Variants in PRIMPOL observed in about 807,000 individuals in gnomAD.
PRIMPOL encodes the protein primase and DNA directed polymerase.
Under a neutral mutation model 63.6 loss-of-function variants are expected in PRIMPOL, and 54 were observed. The observed-to-expected ratio is 0.85, with a 90% CI of 0.68 to 1.07. The LOEUF is 1.07. Among genes scored for constraint, PRIMPOL ranks in the 50% least tolerant of loss-of-function variants. The probability of loss-of-function intolerance (pLI) is 0.00; values close to 1 mark genes in which losing one functional copy is unlikely to be tolerated. For missense variants in PRIMPOL, 610 were observed against 648.3 expected (o/e 0.94, Z 0.64); for synonymous variants, 197 against 220.2 (o/e 0.89, Z 0.93).
chr4:184,694,776 G>C lies in PRIMPOL; in HGVS notation c.1680G>C (p.Glu560Asp). Residue 560 changes from glutamate (E) to aspartate (D), a missense_variant, in exon 14 of 14, where the codon GAG (glutamate) becomes GAC (aspartate). Transcript: ENST00000314970. ...AACTAATTATAGAAGTATTACAAGA[G>C]TAACTAATTCACTATGAACACTTTT... ...PDELIIEVLQ[E>D] is the part of the protein sequence containing the mutation. The C allele has an allele frequency of 6.2e-7, 1 of 1,605,852 alleles. No homozygotes were observed. The highest frequency in any genetic ancestry group is 8.5e-7 in the Non-Finnish European group (1 of 1,172,938).
Position 184,661,874 on chromosome 4 carries a change from GGGAAAAAGAT to G in PRIMPOL, c.382_391del (p.Lys128LeufsTer26). 6.2e-7 allele frequency: 1 copy of G among 1,613,298 alleles called. No homozygotes were observed. The highest frequency in any genetic ancestry group is 8.5e-7 in the Non-Finnish European group (1 of 1,179,506). ...CAAACCTGCCAACCCAGGAGCTGAT[GGGAAAAAGAT>G]GGTTGCATTACTCATTGAGGTAAAT... On this transcript the variant is annotated frameshift_variant, in exon 5 of 14. Transcript: ENST00000314970. LOFTEE classifies it high-confidence loss of function.
chr4:184,668,995 A>G (rs991785792), intron 6 of PRIMPOL, among the ~76,000 whole-genome samples: 10 of 151,960 alleles, frequency 6.6e-5, no homozygotes, highest in African/African-American at 2.4e-4. Context: ...CATGGGCCAC[A>G]TTTTCTGTAG....
At chr4:184,668,882 ATAATATTATTAATTAC>A (rs1326361777) in intron 6 of PRIMPOL, among the ~76,000 whole-genome samples, 1 of 150,940 alleles carries the variant, frequency 6.6e-6, no homozygotes, top group African/African-American at 2.4e-5. Flanking sequence ...AATATTACTA[ATAATATTATTAATTAC>A]TAATATTATT....
chr4:184,679,527 A>G (rs72689292), intron 8 of PRIMPOL, among the ~76,000 whole-genome samples: 2 of 152,228 alleles, frequency 1.3e-5, no homozygotes, highest in African/African-American at 2.4e-5. Flanking sequence ...ATACTATAGT[A>G]AGTCTTCATT....
intron 6 of PRIMPOL, among the ~76,000 whole-genome samples, chr4:184,669,334 G>A (rs940944603): frequency 3.3e-5 from 5 of 152,210 alleles, no homozygotes; most frequent in African/African-American, 4.8e-5. Context: ...CAGACACTGA[G>A]CTGTCTCTGA....
At chr4:184,668,053 C>T (rs543308751) in intron 6 of PRIMPOL, among the ~76,000 whole-genome samples, 4 of 152,258 alleles carry the variant, frequency 2.6e-5, no homozygotes, top group African/African-American at 7.2e-5. Flanking sequence ...GACCCTCTTC[C>T]CACTCTATCC....
chr4:184,680,944 A>G (rs1755459747), intron 8 of PRIMPOL, among the ~76,000 whole-genome samples: 3 of 152,192 alleles, frequency 2.0e-5, no homozygotes, highest in Non-Finnish European at 2.9e-5. Flanking sequence ...TCTGCCACGT[A>G]TGGAGAAGTG....
intron 8 of PRIMPOL, among the ~76,000 whole-genome samples, chr4:184,680,197 AT>A (rs113312511): frequency 0.1 from 15,420 of 151,084 alleles, 942 homozygotes; most frequent in Middle Eastern, 0.17. Flanking sequence ...TCTAAATATA[AT>A]TTTTTTTTTG....
Position 184,672,225 on chromosome 4 carries a change from A to G in PRIMPOL, c.609A>G (p.Glu203=). 6.2e-7 allele frequency: 1 copy of G among 1,613,678 alleles called. No individual in the cohort carries two copies. The highest frequency in any genetic ancestry group is 8.5e-7 in the Non-Finnish European group (1 of 1,179,926). ...CTGCTCTTGACTTGCTTGGCAGTGA[A>G]GATGATGATAGCGCTCCAGAGACAA... is the stretch of plus-strand genomic sequence containing the variant. ...LQPALDLLGS[E]DDDSAPETTG... Residue 203 remains glutamate, a synonymous_variant, in exon 7 of 14, where the codon GAA becomes GAG. Coordinates refer to ENST00000314970, the MANE Select transcript of PRIMPOL (RefSeq NM_152683.4).
At chr4:184,654,615 T>C (rs1745748978) in intron 2 of PRIMPOL, among the ~76,000 whole-genome samples, 1 of 152,002 alleles carries the variant, frequency 6.6e-6, no homozygotes, top group Non-Finnish European at 1.5e-5. Flanking sequence ...CACGCCCAGC[T>C]AATTTGTTTT....
At chr4:184,691,432 T>C in intron 11 of PRIMPOL, 67 bp from the exon 12 acceptor site, 1 of 910,818 alleles carries the variant, frequency 1.1e-6, no homozygotes. Flanking sequence ...TGGAACAGCA[T>C]GCAGCTGGAT....
In PRIMPOL at chr4:184,659,407, A is replaced by G. The variant is rs1296051517; in HGVS notation, c.248A>G (p.Tyr83Cys). ...DGQRIYLVTT[Y>C]AEFWFYYKSR... is the part of the protein sequence containing the mutation. ...CAACGTATTTACCTTGTGACAACCT[A>G]TGCTGAATTTTGGTTTTACTATAAA... The change falls in exon 4 of 14, where the codon TAT (tyrosine) becomes TGT (cysteine). Residue 83 changes from tyrosine (Y) to cysteine (C), a missense_variant. Transcript: ENST00000314970. The G allele has an allele frequency of 1.9e-6, 3 of 1,613,916 alleles. No homozygotes were observed. The highest frequency in any genetic ancestry group is 1.7e-6 in the Non-Finnish European group (2 of 1,179,778).
Position 184,694,738 on chromosome 4 carries a change from G to A in PRIMPOL, c.1642G>A (p.Glu548Lys). Reference protein sequence around the residue: ...SLLSYNSEVDEIPDELIIEVL... With the variant: ...SLLSYNSEVDKIPDELIIEVL... The stretch of plus-strand genomic sequence containing the variant: ...TCTCAGTTATAACAGTGAAGTGGAT[G>A]AAATTCCTGATGAACTAATTATAGA... Residue 548 changes from glutamate (E) to lysine (K), a missense_variant, in exon 14 of 14, where the codon GAA becomes AAA. Physicochemically the swap from Glu to Lys is moderately conservative, Grantham distance 56. Coordinates refer to ENST00000314970, the MANE Select transcript of PRIMPOL (RefSeq NM_152683.4). 6.2e-7 allele frequency: 1 copy of A among 1,612,324 alleles called. No homozygotes were observed. Among genetic ancestry groups the A allele is most frequent in the South Asian group, 1.1e-5 (1 of 91,050 alleles).
chr4:184,692,449 G>GGGAGACA (rs147665159), intron 13 of PRIMPOL, among the ~76,000 whole-genome samples: 9,431 of 135,002 alleles, frequency 0.07, 1,035 homozygotes, highest in African/African-American at 0.24. Context: ...ACTCCAGCCT[G>GGGAGACA]GGAGACAGAG....
intron 6 of PRIMPOL, among the ~76,000 whole-genome samples, chr4:184,670,007 T>C (rs780772507): frequency 3.9e-5 from 6 of 152,254 alleles, no homozygotes; most frequent in Non-Finnish European, 4.4e-5. Flanking sequence ...AAAAATACTC[T>C]TCTGCCAGTT....
rs1745221984 is a variant in PRIMPOL, at chr4:184,653,189, C to T, written c.-60+1089C>T. 2.0e-5 allele frequency among the ~76,000 whole-genome samples: 3 copies of T among 151,378 alleles called. No individual in the cohort carries two copies. In the South Asian group the frequency reaches 6.3e-4, roughly 32 times the overall value. On this transcript the variant is annotated intron_variant, in intron 2 of 13. Coordinates refer to ENST00000314970, the MANE Select transcript of PRIMPOL (RefSeq NM_152683.4). Reference sequence around the variant, plus strand: ...AACCATGGCCAGGCTGGCTTCAGGTCCCCCCAGAAACTGGTAAATAGGAAG... The same window carrying T: ...AACCATGGCCAGGCTGGCTTCAGGTTCCCCCAGAAACTGGTAAATAGGAAG...
chr4:184,671,955 T>C lies in PRIMPOL; in HGVS notation c.557-218T>C, dbSNP rs936806100. Among the ~76,000 whole-genome samples, 32 of 152,058 alleles carry C rather than the reference T, an allele frequency of 2.1e-4. 1 individual carries two copies. The highest frequency in any genetic ancestry group is 1.0e-3 in the South Asian group (5 of 4,816). ...CGGGGTTTCACCGTGTTAACCAGGA[T>C]GGTCTCGATCTCCCGACCTTGTGAT... is the stretch of plus-strand genomic sequence containing the variant. On this transcript the variant is annotated intron_variant, in intron 6 of 13. Transcript: ENST00000314970.
At position 184,665,924 on chromosome 4, in the gene PRIMPOL, G is replaced by A. The variant is rs1749760037; in HGVS notation, c.416G>A (p.Cys139Tyr). 1.3e-6 allele frequency: 2 copies of A among 1,580,916 alleles called. No homozygotes were observed. Among genetic ancestry groups the A allele is most frequent in the East Asian group, 2.2e-5 (1 of 44,508 alleles). The change falls in exon 6 of 14, where the codon TGT becomes TAT. Residue 139 changes from cysteine to tyrosine, a missense_variant. Transcript: ENST00000314970. ...TTTTACTTGTGTTTTTAGTATGTGT[G>A]TAAAGCACTTCAAGAGTTATACGGT... ...KMVALLIEYV[C>Y]KALQELYGVN...
chr4:184,650,322 A>T (rs879688613), intron 1 of PRIMPOL, among the ~76,000 whole-genome samples: 1 of 152,260 alleles, frequency 6.6e-6, no homozygotes, highest in Non-Finnish European at 1.5e-5. Flanking sequence ...GAAGAAGAGG[A>T]AAAGAAGCCT....
Sources: gnomAD v4.1 joint callset for allele counts (sites outside exome capture counted in the v4.1 genomes callset) on GRCh38, gnomAD v4.1.1 for gene constraint, MANE v1.5 for transcripts, NCBI Gene and HGNC (gene_info 2026-07-23, HGNC 2026-07-21) for gene names.